The following NKAIN2 variants were observed in gnomAD, a reference collection of about 807,000 sequenced individuals.
NKAIN2 encodes the protein sodium/potassium-transporting ATPase subunit beta-1-interacting protein 2.
In NKAIN2, 14 loss-of-function variants were observed where a neutral mutation model predicts 32.6. The ratio of observed to expected loss-of-function variants is 0.43; its 90% confidence interval spans 0.28 to 0.67. The LOEUF (loss-of-function observed/expected upper bound fraction) is 0.67. NKAIN2 is among the 30% of genes least tolerant of loss of function. The pLI is 0.17. For synonymous variants in NKAIN2, 80 were observed against 87.2 expected (o/e 0.92, Z 0.46); for missense variants, 198 against 258.3 (o/e 0.77, Z 1.60).
chr6:124,725,105 A>C (rs1417261754), intron 4 of NKAIN2, among the ~76,000 whole-genome samples: 1 of 152,194 alleles, frequency 6.6e-6, no homozygotes, highest in Non-Finnish European at 1.5e-5. Context: ...TGCTGGTATC[A>C]GCATTTATTT....
chr6:124,153,933 C>CCT (rs1491343652), intron 1 of NKAIN2, among the ~76,000 whole-genome samples: 4 of 52,210 alleles, frequency 7.7e-5, no homozygotes, highest in Admixed American at 1.9e-4. Context: ...GTTATCTATT[C>CCT]CTTTTTTTTT....
chr6:123,974,899 A>T (rs1004213487), intron 1 of NKAIN2, among the ~76,000 whole-genome samples: 1 of 152,164 alleles, frequency 6.6e-6, no homozygotes, highest in Non-Finnish European at 1.5e-5. Context: ...GCAGTAGGTG[A>T]GACATGATAA....
At chr6:123,957,409 A>G (rs1005874971) in intron 1 of NKAIN2, among the ~76,000 whole-genome samples, 3 of 152,214 alleles carry the variant, frequency 2.0e-5, no homozygotes, top group African/African-American at 7.2e-5. Context: ...CACTAGTTAC[A>G]TTATAGGAAT....
At chr6:124,806,287 T>C (rs1780555574) in intron 5 of NKAIN2, among the ~76,000 whole-genome samples, 2 of 152,204 alleles carry the variant, frequency 1.3e-5, no homozygotes, top group African/African-American at 4.8e-5. Context: ...TAACAGCGGA[T>C]CTCTTGGCAG....
At chr6:124,022,977 C>T (rs1190026854) in intron 1 of NKAIN2, among the ~76,000 whole-genome samples, 1 of 151,394 alleles carries the variant, frequency 6.6e-6, no homozygotes, top group African/African-American at 2.4e-5. Flanking sequence ...CAGCATAGCC[C>T]AAGTCTCTCA....
At chr6:124,181,657 A>G (rs1339170997) in intron 1 of NKAIN2, among the ~76,000 whole-genome samples, 1 of 152,188 alleles carries the variant, frequency 6.6e-6, no homozygotes, top group Non-Finnish European at 1.5e-5. Flanking sequence ...TCAAAGTTCC[A>G]TAAATCTCTA....
chr6:124,011,130 T>A (rs1780303611), intron 1 of NKAIN2, among the ~76,000 whole-genome samples: 1 of 152,160 alleles, frequency 6.6e-6, no homozygotes, highest in Non-Finnish European at 1.5e-5. Context: ...CCAAACAACT[T>A]TAGTTCATGA....
rs749517433 is a variant in NKAIN2, at chr6:124,658,394, T to C, written c.474+8T>C. On this transcript the variant is annotated splice_region_variant and intron_variant, in intron 4 of 6. Coordinates refer to ENST00000368417, the MANE Select transcript of NKAIN2 (RefSeq NM_001040214.3). ...CTCCAGATTGTCCTCGCAGTAAGTG[T>C]TGGCAGCCAACCGCTCCTTCTAGTG... is the stretch of plus-strand genomic sequence containing the variant. 6.2e-7 allele frequency: 1 copy of C among 1,614,112 alleles called. No individual in the cohort carries two copies. The highest frequency in any genetic ancestry group is 2.2e-5 in the East Asian group (1 of 44,858).
chr6:123,934,421 C>G (rs1382503386), intron 1 of NKAIN2, among the ~76,000 whole-genome samples: 1 of 152,164 alleles, frequency 6.6e-6, no homozygotes, highest in Non-Finnish European at 1.5e-5. Flanking sequence ...CTAAAACCTT[C>G]CCCCACTACT....
intron 3 of NKAIN2, among the ~76,000 whole-genome samples, chr6:124,420,006 A>T (rs1774676325): frequency 6.6e-6 from 1 of 152,036 alleles, no homozygotes. Flanking sequence ...TAGGGAGGAG[A>T]GGAACTGATT....
chr6:123,983,439 A>G (rs1778990184), intron 1 of NKAIN2, among the ~76,000 whole-genome samples: 1 of 152,204 alleles, frequency 6.6e-6, no homozygotes, highest in Non-Finnish European at 1.5e-5. Flanking sequence ...ATACAATTCT[A>G]TGTCTGCAGA....
At chr6:124,027,592 TC>T (rs1465640674) in intron 1 of NKAIN2, among the ~76,000 whole-genome samples, 4 of 152,296 alleles carry the variant, frequency 2.6e-5, no homozygotes, top group Admixed American at 6.5e-5. Flanking sequence ...CATTTACACA[TC>T]CTGTAGTCTC....
At chr6:124,119,814 G>A (rs1045320499) in intron 1 of NKAIN2, among the ~76,000 whole-genome samples, 1 of 152,166 alleles carries the variant, frequency 6.6e-6, no homozygotes, top group African/African-American at 2.4e-5. Context: ...CTGGAGCTCA[G>A]ACTGGGCTCT....
intron 1 of NKAIN2, among the ~76,000 whole-genome samples, chr6:124,088,970 C>T (rs1240010309): frequency 6.6e-6 from 1 of 152,016 alleles, no homozygotes; most frequent in Non-Finnish European, 1.5e-5. Flanking sequence ...ATATTACCTA[C>T]AGTTCCTTTT....
chr6:124,241,715 G>C (rs1378074686), intron 1 of NKAIN2, among the ~76,000 whole-genome samples: 2 of 151,950 alleles, frequency 1.3e-5, no homozygotes, highest in Non-Finnish European at 2.9e-5. Context: ...TCATTCTCGT[G>C]TTTCCTATAA....
At chr6:124,021,268 G>A (rs1474837161) in intron 1 of NKAIN2, among the ~76,000 whole-genome samples, 1 of 152,040 alleles carries the variant, frequency 6.6e-6, no homozygotes, top group Non-Finnish European at 1.5e-5. Context: ...ATGTATATGT[G>A]TGTGTCAAAC....
At chr6:124,155,027 G>A (rs1228492627) in intron 1 of NKAIN2, among the ~76,000 whole-genome samples, 1 of 152,046 alleles carries the variant, frequency 6.6e-6, no homozygotes, top group Non-Finnish European at 1.5e-5. Context: ...CTGCATGATG[G>A]GCTATGAGTT....
intron 2 of NKAIN2, among the ~76,000 whole-genome samples, chr6:124,323,780 T>TCC (rs1797296790): frequency 1.5e-5 from 2 of 129,626 alleles, no homozygotes; most frequent in African/African-American, 7.2e-5. Flanking sequence ...TCTTTTAATT[T>TCC]TTTCTTTTTT....
intron 1 of NKAIN2, among the ~76,000 whole-genome samples, chr6:123,826,762 G>A (rs771581433): frequency 2.0e-4 from 30 of 152,186 alleles, no homozygotes; most frequent in Non-Finnish European, 3.5e-4. Flanking sequence ...CTCTTGGGTT[G>A]CTTCTATCCT....
Sources: allele counts gnomAD v4.1 joint callset (sites outside exome capture counted in the v4.1 genomes callset), GRCh38; gene constraint gnomAD v4.1.1; transcripts MANE v1.5; gene names NCBI Gene and HGNC (gene_info 2026-07-23, HGNC 2026-07-21).